ZNF354B: variants seen among roughly 807,000 people sequenced by gnomAD.
ZNF354B encodes the protein zinc finger protein 354B.
ZNF354B carries 10 observed loss-of-function variants against 12.9 expected under a neutral mutation model. That is an observed-to-expected ratio of 0.77 (90% CI 0.48 to 1.31). The LOEUF is 1.31. Ranked by LOEUF, ZNF354B falls within the 40% of genes most tolerant of loss-of-function variation. The pLI is 0.00. For missense variants in ZNF354B, 614 were observed against 711.7 expected (o/e 0.86, Z 1.56); for synonymous variants, 260 against 243.7 (o/e 1.07, Z -0.62).
rs1387033375 is a variant in ZNF354B at position 178,883,348 on chromosome 5, G to T, written c.896G>T (p.Arg299Ile). 6.2e-7 allele frequency: 1 copy of T among 1,614,036 alleles called. No homozygotes were observed. The highest frequency in any genetic ancestry group is 8.5e-7 in the Non-Finnish European group (1 of 1,179,968). The change falls in exon 5 of 5, where the codon AGA becomes ATA. Residue 299 changes from arginine to isoleucine, a missense_variant. By Grantham distance (97) the Arg-to-Ile change is moderately conservative. Transcript: ENST00000322434. ...LRTHTVEKCY[R>I]CKECGKSFSR... Reference sequence around the variant, plus strand: ...ACCCATACTGTGGAGAAATGCTATAGATGTAAAGAATGTGGTAAATCCTTC... The same window carrying T: ...ACCCATACTGTGGAGAAATGCTATATATGTAAAGAATGTGGTAAATCCTTC...
chr5:178,882,943 G>A lies in ZNF354B; in HGVS notation c.491G>A (p.Gly164Asp), dbSNP rs1282303301. The A allele has an allele frequency of 3.1e-6, 5 of 1,601,658 alleles. No individual in the cohort carries two copies. The highest frequency in any genetic ancestry group is 4.2e-6 in the Non-Finnish European group (5 of 1,176,986). Reference sequence around the variant, plus strand: ...AGAAGCCATAAAAATGTTGAATTTGGCCAAAACTTCTACCTGAAATCAGTC... The same window carrying A: ...AGAAGCCATAAAAATGTTGAATTTGACCAAAACTTCTACCTGAAATCAGTC... ...VDRSHKNVEF[G>D]QNFYLKSVFI... is the part of the protein sequence containing the mutation. Residue 164 changes from glycine (G) to aspartate (D), a missense_variant, in exon 5 of 5, where the codon GGC becomes GAC. Gly to Asp is a moderately conservative substitution (Grantham distance 94). Coordinates refer to ENST00000322434, the MANE Select transcript of ZNF354B (RefSeq NM_058230.3).
intron 4 of ZNF354B, among the ~76,000 whole-genome samples, chr5:178,881,274 A>T (rs11950746): frequency 0.15 from 22,569 of 152,084 alleles, 2,057 homozygotes; most frequent in African/African-American, 0.25. Context: ...GGCAGGTGCT[A>T]TGATGTCTGT....
At chr5:178,874,651 C>T (rs1757610136) in intron 4 of ZNF354B, among the ~76,000 whole-genome samples, 1 of 152,084 alleles carries the variant, frequency 6.6e-6, no homozygotes, top group Non-Finnish European at 1.5e-5. Flanking sequence ...TTACTGTAAT[C>T]CTTACATTCC....
chr5:178,883,577 T>G lies in ZNF354B; in HGVS notation c.1125T>G (p.Ile375Met). The change falls in exon 5 of 5, where the codon ATT (isoleucine) becomes ATG (methionine). Residue 375 changes from isoleucine (I) to methionine (M), a missense_variant. Coordinates refer to ENST00000322434, the MANE Select transcript of ZNF354B (RefSeq NM_058230.3). Reference protein sequence around the residue: ...SSSSLRYHQRIHTGEKPFKCS... With the variant: ...SSSSLRYHQRMHTGEKPFKCS... ...CATCCCTTCGTTATCATCAGAGAAT[T>G]CACACTGGAGAGAAGCCTTTTAAAT... 6.2e-7 allele frequency: 1 copy of G among 1,614,004 alleles called. No homozygotes were observed. The highest frequency in any genetic ancestry group is 8.5e-7 in the Non-Finnish European group (1 of 1,179,906).
At chr5:178,880,999 A>C (rs556117913) in intron 4 of ZNF354B, among the ~76,000 whole-genome samples, 1 of 151,578 alleles carries the variant, frequency 6.6e-6, no homozygotes, top group African/African-American at 2.4e-5. Flanking sequence ...CCCGCCACCA[A>C]GTCCAGCTAA....
At chr5:178,863,842 C>G (rs1021201672) in intron 2 of ZNF354B, among the ~76,000 whole-genome samples, 2 of 151,762 alleles carry the variant, frequency 1.3e-5, no homozygotes, top group African/African-American at 4.8e-5. Flanking sequence ...TATTTATGTC[C>G]TAGTTTTTAA....
At chr5:178,866,787 G>A (rs1305301579) in intron 3 of ZNF354B, among the ~76,000 whole-genome samples, 189 bp from the exon 4 acceptor site, 2 of 151,984 alleles carry the variant, frequency 1.3e-5, no homozygotes, top group African/African-American at 2.4e-5. Flanking sequence ...GGAATCATAC[G>A]ATGTTTTCTC....
In ZNF354B at chr5:178,883,681, A is replaced by G. The variant is rs763648278; in HGVS notation, c.1229A>G (p.Tyr410Cys). ...AGAATTCACACCGGAGAAAAGCCCT[A>G]TAGATGCAATGAATGTGGGAAAGGC... is the stretch of plus-strand genomic sequence containing the variant. ...HERIHTGEKP[Y>C]RCNECGKGFT... The change falls in exon 5 of 5, where the codon TAT becomes TGT. Residue 410 changes from tyrosine (Y) to cysteine (C), a missense_variant. By Grantham distance (194) the Tyr-to-Cys change is radical. Transcript: ENST00000322434. 9 of 1,614,138 alleles carry G rather than the reference A, an allele frequency of 5.6e-6. No individual in the cohort carries two copies. The highest frequency in any genetic ancestry group is 2.2e-5 in the South Asian group (2 of 91,078).
intron 4 of ZNF354B, among the ~76,000 whole-genome samples, chr5:178,878,904 T>C (rs1307836447): frequency 1.3e-5 from 2 of 152,112 alleles, no homozygotes; most frequent in East Asian, 1.9e-4. Flanking sequence ...TTTCACCATA[T>C]TGGTCAGGCT....
intron 4 of ZNF354B, among the ~76,000 whole-genome samples, chr5:178,880,873 A>C: frequency 5.9e-5 from 6 of 100,954 alleles, no homozygotes; most frequent in Middle Eastern, 0.012. Flanking sequence ...ATGGAGTTGC[A>C]CTCTTGTTGC....
chr5:178,867,225 G>A (rs570127437), intron 4 of ZNF354B, among the ~76,000 whole-genome samples, 154 bp downstream of exon 4: 1 of 152,334 alleles, frequency 6.6e-6, no homozygotes, highest in African/African-American at 2.4e-5. Flanking sequence ...GGCAGGATTA[G>A]TCACTTGTAA....
intron 4 of ZNF354B, among the ~76,000 whole-genome samples, chr5:178,869,530 C>T (rs563078501): frequency 6.6e-5 from 10 of 150,762 alleles, no homozygotes; most frequent in African/African-American, 2.4e-4. Flanking sequence ...TGTGGAAGAG[C>T]AGGAAGAAAG....
At chr5:178,876,497 T>C (rs1302891415) in intron 4 of ZNF354B, among the ~76,000 whole-genome samples, 1 of 152,222 alleles carries the variant, frequency 6.6e-6, no homozygotes, top group Non-Finnish European at 1.5e-5. Context: ...GGTGTGACCA[T>C]GCGAGGGTCC....
At chr5:178,879,496 C>T (rs551870185) in intron 4 of ZNF354B, among the ~76,000 whole-genome samples, 1 of 152,266 alleles carries the variant, frequency 6.6e-6, no homozygotes, top group Admixed American at 6.5e-5. Context: ...TCTCCCGTCT[C>T]AGCCTCCTGA....
intron 4 of ZNF354B, among the ~76,000 whole-genome samples, chr5:178,872,037 T>A (rs556949565): frequency 1.8e-4 from 28 of 152,328 alleles, no homozygotes; most frequent in Admixed American, 9.8e-4. Flanking sequence ...GATACTGACA[T>A]TGATACAGTG....
intron 2 of ZNF354B, among the ~76,000 whole-genome samples, chr5:178,863,288 G>GTA (rs982274914): frequency 3.9e-5 from 6 of 152,134 alleles, no homozygotes; most frequent in Non-Finnish European, 8.8e-5. Context: ...GGATACGTGT[G>GTA]TATATATATG....
intron 2 of ZNF354B, among the ~76,000 whole-genome samples, chr5:178,862,052 C>T (rs1469831213): frequency 6.6e-6 from 1 of 152,124 alleles, no homozygotes; most frequent in African/African-American, 2.4e-5. Flanking sequence ...GTGTTTAGGA[C>T]CCAGACGATG....
At chr5:178,879,987 G>C (rs868759590) in intron 4 of ZNF354B, among the ~76,000 whole-genome samples, 1 of 146,254 alleles carries the variant, frequency 6.8e-6, no homozygotes, top group African/African-American at 2.6e-5. Flanking sequence ...TTAGCTGGGC[G>C]TGGTGGCATG....
chr5:178,861,819 C>G (rs966296264), intron 2 of ZNF354B, among the ~76,000 whole-genome samples: 3 of 152,176 alleles, frequency 2.0e-5, no homozygotes, highest in Admixed American at 2.0e-4. Context: ...TTGGGCTTCA[C>G]CTCTCTGTGC....
Sources: gnomAD v4.1 joint callset for allele counts (sites outside exome capture counted in the v4.1 genomes callset) on GRCh38, gnomAD v4.1.1 for gene constraint, MANE v1.5 for transcripts, NCBI Gene and HGNC (gene_info 2026-07-23, HGNC 2026-07-21) for gene names.